Variants in TMC3 observed in about 807,000 individuals in gnomAD.
The protein encoded by TMC3 is transmembrane channel like 3, also known as transmembrane channel-like protein 3.
Under a neutral mutation model 110.6 loss-of-function variants are expected in TMC3, and 98 were observed. The observed-to-expected ratio is 0.89, with a 90% CI of 0.75 to 1.05. The LOEUF is 1.05. TMC3 is among the 50% of genes least tolerant of loss of function. The pLI, the probability that TMC3 is intolerant of heterozygous loss-of-function variation, is 0.00. For synonymous variants in TMC3, 489 were observed against 513.1 expected (o/e 0.95, Z 0.63); for missense variants, 1,319 against 1,373.2 (o/e 0.96, Z 0.62).
At position 81,332,634 on chromosome 15, in the gene TMC3, C is replaced by A. The variant is rs753602669; in HGVS notation, c.3088G>T (p.Gly1030Trp). ...QYPQPPLKPR[G>W]KPRFEPSLTE... ...AGGGATGGCTCGAACCTGGGCTTCC[C>A]TCTGGGCTTCAGAGGGGGCTGTGGG... Residue 1030 changes from glycine (G) to tryptophan (W), a missense_variant, in exon 22 of 22, where the codon GGG becomes TGG. Gly to Trp is a radical substitution (Grantham distance 184). Transcript: ENST00000359440. The A allele has an allele frequency of 6.2e-7, 1 of 1,613,956 alleles. No homozygotes were observed.
rs2141698535 is a variant in TMC3 at position 81,343,025 on chromosome 15, T to A, written c.1715+253A>T. Reference sequence around the variant, plus strand: ...CCTCCCTAAGAGTGTATTCTACTGGTTTCTGTGCAGATTTTTTTCGGCTGC... The same window carrying A: ...CCTCCCTAAGAGTGTATTCTACTGGATTCTGTGCAGATTTTTTTCGGCTGC... On this transcript the variant is annotated intron_variant, in intron 15 of 21. Coordinates refer to ENST00000359440, the MANE Select transcript of TMC3 (RefSeq NM_001080532.3). 3 of 433,946 alleles carry A rather than the reference T, an allele frequency of 6.9e-6. No individual in the cohort carries two copies. In the East Asian group the frequency reaches 1.1e-4, roughly 16 times the overall value. 26.9% of individuals were successfully genotyped at this position (433,946 alleles called of 1,614,324 possible).
intron 3 of TMC3, among the ~76,000 whole-genome samples, chr15:81,365,691 A>G (rs4989899): frequency 6.8e-6 from 1 of 147,330 alleles, no homozygotes; most frequent in Non-Finnish European, 1.5e-5. Context: ...AAAAAGAAAA[A>G]GAAAAAAAAG....
intron 20 of TMC3, 134 bp from the exon 21 acceptor site, chr15:81,335,109 C>CT: frequency 1.1e-6 from 1 of 917,440 alleles, no homozygotes; most frequent in Non-Finnish European, 1.6e-6. Flanking sequence ...TACAAATGCA[C>CT]CTAACCAGTG....
Position 81,339,480 on chromosome 15 carries a change from C to G in TMC3, c.1869G>C (p.Met623Ile). 4 of 1,605,780 alleles carry G rather than the reference C, an allele frequency of 2.5e-6. No individual in the cohort carries two copies. The highest frequency in any genetic ancestry group is 4.5e-5 in the East Asian group (2 of 44,674). Residue 623 changes from methionine (M) to isoleucine (I), a missense_variant, in exon 17 of 22, where the codon ATG becomes ATC. Coordinates refer to ENST00000359440, the MANE Select transcript of TMC3 (RefSeq NM_001080532.3). Reference protein sequence around the residue: ...ASRSNNFYLAMLLFMLFLCML... With the variant: ...ASRSNNFYLAILLFMLFLCML... The stretch of plus-strand genomic sequence containing the variant: ...TGCACAGAAACAGCATAAACAGGAG[C>G]ATTGCCAAGTAGAAGTTGTTGGATC...
chr15:81,353,604 A>G (rs1313316381), intron 9 of TMC3, among the ~76,000 whole-genome samples: 1 of 152,244 alleles, frequency 6.6e-6, no homozygotes, highest in Non-Finnish European at 1.5e-5. Context: ...TATTTAATAC[A>G]AGTAGCATGC....
rs550764659 is a variant in TMC3 at position 81,367,173 on chromosome 15, T to C, written c.312+1080A>G. ...TAGGGCTATTAATAATAATGAAAAA[T>C]TGGAAGCAATTTAAATATCCACCAG... On this transcript the variant is annotated intron_variant, in intron 3 of 21. Coordinates refer to ENST00000359440, the MANE Select transcript of TMC3 (RefSeq NM_001080532.3). 2.0e-5 allele frequency among the ~76,000 whole-genome samples: 3 copies of C among 152,158 alleles called. No homozygotes were observed. In the East Asian group the frequency reaches 5.8e-4, roughly 29 times the overall value.
At chr15:81,347,736 A>T (rs1310574402) in intron 11 of TMC3, among the ~76,000 whole-genome samples, 1 of 152,238 alleles carries the variant, frequency 6.6e-6, no homozygotes, top group Non-Finnish European at 1.5e-5. Context: ...TCTAGTTTTC[A>T]ACATGAGTAA....
chr15:81,369,659 C>T (rs1302012084), intron 2 of TMC3, among the ~76,000 whole-genome samples: 1 of 152,038 alleles, frequency 6.6e-6, no homozygotes, highest in Non-Finnish European at 1.5e-5. Flanking sequence ...TGGGGTGGCT[C>T]ACACCTGTAA....
chr15:81,364,857 A>C (rs931052281), intron 3 of TMC3, among the ~76,000 whole-genome samples: 2 of 151,846 alleles, frequency 1.3e-5, no homozygotes, highest in African/African-American at 4.8e-5. Context: ...AATTGAGCAC[A>C]CATATATAGG....
At chr15:81,351,235 C>T (rs1475083947) in intron 10 of TMC3, among the ~76,000 whole-genome samples, 1 of 152,074 alleles carries the variant, frequency 6.6e-6, no homozygotes, top group African/African-American at 2.4e-5. Context: ...GCTCAAAGTC[C>T]TTATAGTCAA....
At chr15:81,350,889 C>T (rs770327971) in intron 10 of TMC3, among the ~76,000 whole-genome samples, 11 of 152,030 alleles carry the variant, frequency 7.2e-5, no homozygotes, top group Non-Finnish European at 1.5e-4. Flanking sequence ...ATTCACACAA[C>T]GGGGGTTGGG....
intron 16 of TMC3, among the ~76,000 whole-genome samples, chr15:81,340,392 A>AC (rs1239555420): frequency 8.5e-5 from 13 of 152,342 alleles, no homozygotes; most frequent in African/African-American, 2.6e-4. Flanking sequence ...CACATATATA[A>AC]CATATATAAA....
intron 13 of TMC3, among the ~76,000 whole-genome samples, chr15:81,344,529 A>G (rs899429366): frequency 6.6e-6 from 1 of 152,180 alleles, no homozygotes; most frequent in African/African-American, 2.4e-5. Flanking sequence ...TATAAGGGTG[A>G]CAATAATAGG....
chr15:81,361,190 TTTTA>T (rs1894179888), intron 4 of TMC3, among the ~76,000 whole-genome samples: 1 of 152,210 alleles, frequency 6.6e-6, no homozygotes, highest in African/African-American at 2.4e-5. Flanking sequence ...AGTTTTCTTT[TTTTA>T]GGTAATTAAA....
chr15:81,333,409 C>T, intron 21 of TMC3, 147 bp from the exon 22 acceptor site: 1 of 1,124,514 alleles, frequency 8.9e-7, no homozygotes, highest in Non-Finnish European at 1.2e-6. Context: ...TGCACAGAGA[C>T]ATTTGGGGGA....
intron 3 of TMC3, among the ~76,000 whole-genome samples, chr15:81,364,340 G>A (rs1404699046): frequency 5.9e-5 from 9 of 152,076 alleles, no homozygotes; most frequent in African/African-American, 1.4e-4. Context: ...TGTTGATGAC[G>A]TGTTCAGTAA....
At position 81,334,777 on chromosome 15, in the gene TMC3, GC is replaced by G; in HGVS notation, c.2401del (p.Ala801LeufsTer14). ...GACCCCAGGGAGAGGTGAGCTAGGAGCCCTGTCCCCTGGCCTCGGGCTCTGG... is the reference window on the plus strand; with the variant it reads ...GACCCCAGGGAGAGGTGAGCTAGGAGCCTGTCCCCTGGCCTCGGGCTCTGG... ...MPQSPRPGDR[A>X]PSSPLPGVPK... On this transcript the variant is annotated frameshift_variant, in exon 21 of 22. Coordinates refer to ENST00000359440, the MANE Select transcript of TMC3 (RefSeq NM_001080532.3). LOFTEE classifies it high-confidence loss of function. 1 of 1,614,032 alleles carries G rather than the reference GC, an allele frequency of 6.2e-7. No homozygotes were observed. Among genetic ancestry groups the G allele is most frequent in the South Asian group, 1.1e-5 (1 of 91,090 alleles).
chr15:81,362,945 G>C (rs986298100), intron 3 of TMC3, among the ~76,000 whole-genome samples: 1 of 152,154 alleles, frequency 6.6e-6, no homozygotes, highest in Admixed American at 6.6e-5. Context: ...AGCTGTCAGG[G>C]ATAAGGTCTA....
chr15:81,350,451 AAG>A (rs1893923681), intron 10 of TMC3, among the ~76,000 whole-genome samples: 1 of 151,576 alleles, frequency 6.6e-6, no homozygotes, highest in African/African-American at 2.4e-5. Context: ...GAGCAGAAGA[AAG>A]AGGAGTTTTA....
Sources: allele counts gnomAD v4.1 joint callset (sites outside exome capture counted in the v4.1 genomes callset), GRCh38; gene constraint gnomAD v4.1.1; transcripts MANE v1.5; gene names NCBI Gene and HGNC (gene_info 2026-07-23, HGNC 2026-07-21).